The following SCARA5 variants were observed in gnomAD, a reference collection of about 807,000 sequenced individuals.
The protein encoded by SCARA5 is scavenger receptor class A, member 5 (putative).
A neutral mutation model predicts 46.3 loss-of-function variants in SCARA5; 45 were observed. The ratio of observed to expected loss-of-function variants is 0.97; its 90% CI spans 0.76 to 1.24. The LOEUF (loss-of-function observed/expected upper bound fraction) is 1.24. Ranked by LOEUF, SCARA5 falls within the 50% of genes most tolerant of loss-of-function variation. The probability of loss-of-function intolerance (pLI) is 0.00; values close to 1 mark genes in which losing one functional copy is unlikely to be tolerated. For synonymous variants in SCARA5, 333 were observed against 306.5 expected, an observed-to-expected ratio of 1.09 and a Z score of -0.90; for missense variants, 680 against 689.0, an observed-to-expected ratio of 0.99 and a Z score of 0.15.
At chr8:27,970,234 C>T (rs1352898089) in intron 2 of SCARA5, among the ~76,000 whole-genome samples, 2 of 152,048 alleles carry the variant, frequency 1.3e-5, no homozygotes, top group African/African-American at 2.4e-5. Flanking sequence ...AGGAGATCCT[C>T]CTGCCAGGTC....
chr8:27,936,189 T>C (rs1014585141), intron 3 of SCARA5, among the ~76,000 whole-genome samples: 3 of 152,122 alleles, frequency 2.0e-5, no homozygotes, highest in Non-Finnish European at 4.4e-5. Context: ...AAGTGCCATC[T>C]GGAGACTCAT....
chr8:27,970,880 C>CTT (rs567842294), intron 2 of SCARA5, among the ~76,000 whole-genome samples: 1 of 151,758 alleles, frequency 6.6e-6, no homozygotes, highest in East Asian at 1.9e-4. Flanking sequence ...AAAATTTTGG[C>CTT]TTTTTTTTAA....
intron 3 of SCARA5, among the ~76,000 whole-genome samples, chr8:27,928,637 T>C (rs568957668): frequency 6.6e-6 from 1 of 152,120 alleles, no homozygotes; most frequent in African/African-American, 2.4e-5. Context: ...CACTTGTCTG[T>C]CTTTCTTTCT....
chr8:27,972,192 C>T (rs532742523), intron 2 of SCARA5, among the ~76,000 whole-genome samples: 21 of 152,146 alleles, frequency 1.4e-4, no homozygotes, highest in African/African-American at 5.1e-4. Context: ...CGGCAGGCAC[C>T]TGTAACCCCA....
At chr8:27,903,475 T>G (rs1807194267) in intron 7 of SCARA5, 1 of 152,204 alleles carries the variant, frequency 6.6e-6, no homozygotes, top group Admixed American at 6.5e-5. Flanking sequence ...TTAGCGGGTG[T>G]GTTTTGCAGG....
At chr8:27,937,623 T>C (rs537237038) in intron 3 of SCARA5, among the ~76,000 whole-genome samples, 35 of 152,186 alleles carry the variant, frequency 2.3e-4, no homozygotes, top group Non-Finnish European at 4.7e-4. Flanking sequence ...CAGGCCGCCA[T>C]CACAAAATAC....
At chr8:27,959,155 C>G (rs899542042) in intron 3 of SCARA5, among the ~76,000 whole-genome samples, 9 of 152,186 alleles carry the variant, frequency 5.9e-5, no homozygotes, top group African/African-American at 1.9e-4. Context: ...ATCGCTTGAA[C>G]CCGGGAGGCA....
At chr8:27,945,893 G>A (rs1186946500) in intron 3 of SCARA5, among the ~76,000 whole-genome samples, 2 of 152,196 alleles carry the variant, frequency 1.3e-5, no homozygotes, top group Admixed American at 6.5e-5. Flanking sequence ...TAAAAGTAAT[G>A]GAACAGTGCT....
chr8:27,891,556 C>T (rs895779656), intron 7 of SCARA5, among the ~76,000 whole-genome samples: 8 of 152,126 alleles, frequency 5.3e-5, no homozygotes, highest in Non-Finnish European at 1.5e-5. Context: ...TGATCTGGAC[C>T]CCCTTAAAGT....
chr8:27,908,237 G>C (rs529456068), intron 5 of SCARA5, among the ~76,000 whole-genome samples: 1 of 152,362 alleles, frequency 6.6e-6, no homozygotes, highest in African/African-American at 2.4e-5. Context: ...TACACACAGG[G>C]AGGTATAGCA....
At chr8:27,902,930 T>A (rs1347448257) in intron 7 of SCARA5, among the ~76,000 whole-genome samples, 2 of 151,860 alleles carry the variant, frequency 1.3e-5, no homozygotes, top group African/African-American at 2.4e-5. Flanking sequence ...GTGAGGTGAG[T>A]GTGGGGGGTC....
At chr8:27,894,851 C>G (rs924569969) in intron 7 of SCARA5, among the ~76,000 whole-genome samples, 1 of 152,182 alleles carries the variant, frequency 6.6e-6, no homozygotes, top group African/African-American at 2.4e-5. Context: ...AAACAGAGAG[C>G]CTGCACGTTC....
intron 3 of SCARA5, among the ~76,000 whole-genome samples, chr8:27,949,611 G>C (rs1244739849): frequency 1.3e-5 from 2 of 152,218 alleles, no homozygotes; most frequent in Non-Finnish European, 2.9e-5. Flanking sequence ...CTGGAAGCAG[G>C]GCAGGCAGAT....
chr8:27,946,913 C>T (rs1390172280), intron 3 of SCARA5, among the ~76,000 whole-genome samples: 1 of 148,970 alleles, frequency 6.7e-6, no homozygotes, highest in Non-Finnish European at 1.5e-5. Flanking sequence ...TGACTGAATT[C>T]ATGATCCCCT....
intron 8 of SCARA5, among the ~76,000 whole-genome samples, chr8:27,879,008 C>T (rs891143367): frequency 3.3e-5 from 5 of 152,120 alleles, no homozygotes; most frequent in East Asian, 1.9e-4. Context: ...CGCTTGAGCC[C>T]GAGTGATCAA....
At chr8:27,940,197 G>A (rs1807920772) in intron 3 of SCARA5, among the ~76,000 whole-genome samples, 1 of 152,182 alleles carries the variant, frequency 6.6e-6, no homozygotes, top group Non-Finnish European at 1.5e-5. Flanking sequence ...TTCACTTGTT[G>A]AGCCGGTCAT....
intron 3 of SCARA5, among the ~76,000 whole-genome samples, chr8:27,954,481 T>C (rs1262664811): frequency 6.6e-6 from 1 of 152,164 alleles, no homozygotes. Flanking sequence ...CACTAAGGGG[T>C]GCTCTTTTTT....
chr8:27,959,498 T>C (rs1231255735), intron 3 of SCARA5, among the ~76,000 whole-genome samples: 1 of 152,092 alleles, frequency 6.6e-6, no homozygotes, highest in Non-Finnish European at 1.5e-5. Flanking sequence ...TGCCCTATCA[T>C]GAAAGAGCTC....
chr8:27,935,296 G>A (rs1265810028), intron 3 of SCARA5, among the ~76,000 whole-genome samples: 3 of 152,204 alleles, frequency 2.0e-5, no homozygotes, highest in Non-Finnish European at 4.4e-5. Flanking sequence ...GCCTGGGCAG[G>A]AGACCAGTGT....
Sources: gnomAD v4.1 joint callset for allele counts (sites outside exome capture counted in the v4.1 genomes callset) on GRCh38, gnomAD v4.1.1 for gene constraint, MANE v1.5 for transcripts, NCBI Gene and HGNC (gene_info 2026-07-23, HGNC 2026-07-21) for gene names.